MTM1: variants seen among roughly 807,000 people sequenced by gnomAD.
The protein encoded by MTM1 is myotubularin 1.
In MTM1, 9 loss-of-function variants were observed where a neutral mutation model predicts 52.1. That is an observed-to-expected ratio of 0.17 (90% CI 0.10 to 0.30). The LOEUF is 0.30. Ranked by LOEUF, MTM1 falls within the 10% of genes least tolerant of loss-of-function variation. MTM1 has a pLI of 1.00. For missense variants in MTM1, 277 were observed against 470.7 expected (o/e 0.59, Z 3.81); for synonymous variants, 136 against 163.8 (o/e 0.83, Z 1.29).
chrX:150,652,147 T>C (rs1360894027), intron 10 of MTM1, among the ~76,000 whole-genome samples: 2 of 110,905 alleles, frequency 1.8e-5, no homozygotes, highest in Non-Finnish European at 3.8e-5. Flanking sequence ...AGAGAAAAGA[T>C]TTACTTCAGG....
Position 150,640,044 on chromosome X carries a change from T to G in MTM1, c.528+1018T>G, listed in dbSNP as rs781940779. The stretch of plus-strand genomic sequence containing the variant: ...GACATAGTATATCCTGTTGCTTCCA[T>G]AAGTCACGTTTAGACTGTTGAGTTT... On this transcript the variant is annotated intron_variant, in intron 7 of 14. Transcript: ENST00000370396. 3.6e-5 allele frequency among the ~76,000 whole-genome samples: 4 copies of G among 111,677 alleles called. No individual in the cohort carries two copies. In the South Asian group the frequency reaches 1.5e-3, roughly 42 times the overall value.
rs201381819 is a variant in MTM1, at chrX:150,581,076, T to TA, written c.-10-11521dup. ...CTTTAAAAAAATATCCTCGCACCTT[T>TA]AAAAAAAATATCCTCAAAGGCTCTA... On this transcript the variant is annotated intron_variant, in intron 1 of 14. Coordinates refer to ENST00000370396, the MANE Select transcript of MTM1 (RefSeq NM_000252.3). 2.1e-3 allele frequency among the ~76,000 whole-genome samples: 236 copies of TA among 111,412 alleles called. 4 individuals carry two copies. In the East Asian group the frequency reaches 0.058, roughly 27 times the overall value.
At chrX:150,637,378 G>C (rs1179187734) in intron 6 of MTM1, among the ~76,000 whole-genome samples, 1 of 111,297 alleles carries the variant, frequency 9.0e-6, no homozygotes, top group Non-Finnish European at 1.9e-5. Context: ...CAGAGAAGAT[G>C]GTTGTACAGG....
intron 4 of MTM1, among the ~76,000 whole-genome samples, chrX:150,605,041 G>T (rs1262799067): frequency 3.6e-5 from 4 of 110,980 alleles, no homozygotes; most frequent in Non-Finnish European, 7.5e-5. Context: ...CCCCATCTCT[G>T]CCATTTGCCC....
chrX:150,633,866 T>TA (rs2039711674), intron 6 of MTM1, among the ~76,000 whole-genome samples: 1 of 111,798 alleles, frequency 8.9e-6, no homozygotes, highest in African/African-American at 3.3e-5. Flanking sequence ...ACCCTGTGTC[T>TA]ACTAAAATAC....
intron 6 of MTM1, among the ~76,000 whole-genome samples, chrX:150,620,585 T>A (rs782109421): frequency 8.9e-6 from 1 of 112,031 alleles, no homozygotes; most frequent in Non-Finnish European, 1.9e-5. Flanking sequence ...GGTTTCTGTA[T>A]TCCTGCACCA....
intron 1 of MTM1, among the ~76,000 whole-genome samples, chrX:150,577,786 A>G (rs1392352392): frequency 4.4e-5 from 5 of 112,472 alleles, no homozygotes; most frequent in East Asian, 2.8e-4. Context: ...ATGAAGTCCT[A>G]TTTACTTTTT....
At chrX:150,649,004 A>C (rs963365698) in intron 9 of MTM1, among the ~76,000 whole-genome samples, 1 of 112,777 alleles carries the variant, frequency 8.9e-6, no homozygotes, top group African/African-American at 3.2e-5. Flanking sequence ...CCTATCTTGC[A>C]GCACTGCTGA....
intron 6 of MTM1, among the ~76,000 whole-genome samples, chrX:150,633,543 A>G (rs2039704027): frequency 1.8e-5 from 2 of 112,131 alleles, no homozygotes; most frequent in African/African-American, 6.5e-5. Flanking sequence ...TAATGAAAGC[A>G]TTTTTTTCTT....
chrX:150,635,773 T>G lies in MTM1; in HGVS notation c.445-3170T>G, dbSNP rs782514651. Among the ~76,000 whole-genome samples, 2 of 112,532 alleles carry G rather than the reference T, an allele frequency of 1.8e-5. 1 individual carries two copies. The highest frequency in any genetic ancestry group is 6.4e-5 in the African/African-American group (2 of 31,031). On this transcript the variant is annotated intron_variant, in intron 6 of 14. Transcript: ENST00000370396. ...AATGGTGGTATTGGCTCTTTCAGAC[T>G]GCTCACTTCAATTGAGCCAAGTAGC...
At chrX:150,604,669 C>T (rs907691021) in intron 4 of MTM1, among the ~76,000 whole-genome samples, 1 of 111,261 alleles carries the variant, frequency 9.0e-6, no homozygotes, top group African/African-American at 3.3e-5. Context: ...TTGCCCTACC[C>T]TCATCCTCGG....
intron 4 of MTM1, among the ~76,000 whole-genome samples, chrX:150,613,595 G>T (rs971367518): frequency 6.3e-5 from 7 of 111,718 alleles, no homozygotes; most frequent in Non-Finnish European, 1.1e-4. Flanking sequence ...GCATTGCCTC[G>T]AGTCTCAACC....
intron 6 of MTM1, among the ~76,000 whole-genome samples, chrX:150,622,715 T>C (rs6526186): frequency 0.37 from 41,303 of 110,403 alleles, 6,775 homozygotes; most frequent in East Asian, 0.69. Context: ...TAATTTCCAG[T>C]GAAGGACTTC....
upstream of MTM1, among the ~76,000 whole-genome samples, chrX:150,564,804 C>G (rs2038242847): frequency 8.9e-6 from 1 of 112,106 alleles, no homozygotes; most frequent in South Asian, 3.7e-4. Flanking sequence ...TGTACATTTA[C>G]CTTTGTAATT....
chrX:150,582,750 C>T (rs1557411933), intron 1 of MTM1, among the ~76,000 whole-genome samples: 1 of 110,301 alleles, frequency 9.1e-6, no homozygotes, highest in Non-Finnish European at 1.9e-5. Flanking sequence ...AAGCATTCTC[C>T]CCTAGAGGCT....
intron 4 of MTM1, among the ~76,000 whole-genome samples, chrX:150,613,346 C>T (rs1557413058): frequency 9.0e-6 from 1 of 111,460 alleles, no homozygotes; most frequent in African/African-American, 3.3e-5. Flanking sequence ...ATTGTAGTCA[C>T]CGTGTGTGTT....
intron 14 of MTM1, among the ~76,000 whole-genome samples, chrX:150,665,395 G>A (rs1265185765): frequency 2.7e-5 from 3 of 112,573 alleles, no homozygotes; most frequent in Non-Finnish European, 5.6e-5. Flanking sequence ...ACAGGGATAA[G>A]TGTAAGAATA....
intron 6 of MTM1, among the ~76,000 whole-genome samples, chrX:150,627,213 G>C (rs782090324): frequency 2.2e-4 from 25 of 111,990 alleles, no homozygotes; most frequent in African/African-American, 7.8e-4. Flanking sequence ...TAGAAAACTT[G>C]GTAGTCTGTT....
chrX:150,563,417 C>T (rs782542199), upstream of MTM1, among the ~76,000 whole-genome samples: 5 of 99,064 alleles, frequency 5.0e-5, no homozygotes, highest in Non-Finnish European at 8.0e-5. Context: ...CGGGTTCAAG[C>T]GATTCTCCTG....
Sources: allele counts gnomAD v4.1 joint callset (sites outside exome capture counted in the v4.1 genomes callset), GRCh38; gene constraint gnomAD v4.1.1; transcripts MANE v1.5; gene names NCBI Gene and HGNC (gene_info 2026-07-23, HGNC 2026-07-21).